BACH2: variants seen among roughly 807,000 people sequenced by gnomAD.
The protein encoded by BACH2 is BACH transcriptional regulator 2.
A neutral mutation model predicts 61.8 loss-of-function variants in BACH2; 5 were observed. The observed-to-expected ratio is 0.08, with a 90% CI of 0.04 to 0.17. The LOEUF (loss-of-function observed/expected upper bound fraction) is 0.17. BACH2 is among the 10% of genes least tolerant of loss of function. BACH2 has a pLI of 1.00. For missense variants in BACH2, 824 were observed against 1,091.1 expected, an observed-to-expected ratio of 0.76 and a Z score of 3.45; for synonymous variants, 446 against 440.1, an observed-to-expected ratio of 1.01 and a Z score of -0.17.
intron 5 of BACH2, among the ~76,000 whole-genome samples, chr6:90,058,308 A>G (rs1242725649): frequency 2.0e-5 from 3 of 152,208 alleles, no homozygotes; most frequent in African/African-American, 4.8e-5. Context: ...CAAAATCCAC[A>G]AGCATTCTTA....
At chr6:90,208,493 C>T (rs1256771981) in intron 3 of BACH2, among the ~76,000 whole-genome samples, 1 of 152,112 alleles carries the variant, frequency 6.6e-6, no homozygotes, top group Admixed American at 6.6e-5. Flanking sequence ...CAAATCAAAA[C>T]CACAATGAGA....
chr6:89,965,398 G>C (rs1471006211), intron 6 of BACH2, among the ~76,000 whole-genome samples: 5 of 152,232 alleles, frequency 3.3e-5, no homozygotes, highest in African/African-American at 1.2e-4. Flanking sequence ...ATTGGAGACT[G>C]TAACTTCTTG....
chr6:90,001,947 T>C (rs1777153841), intron 6 of BACH2, among the ~76,000 whole-genome samples: 1 of 152,210 alleles, frequency 6.6e-6, no homozygotes, highest in Admixed American at 6.5e-5. Context: ...TACTTCTCTG[T>C]TCCCTTTCAC....
At position 90,051,454 on chromosome 6, in the gene BACH2, T is replaced by C. The variant is rs537927719; in HGVS notation, c.-13+37507A>G. ...ATAGGAACAGAGCTCTATCCACCCA[T>C]TTACGTATTATCTATAGCTGCTTTT... On this transcript the variant is annotated intron_variant, in intron 5 of 8. Coordinates refer to ENST00000257749, the MANE Select transcript of BACH2 (RefSeq NM_021813.4). Among the ~76,000 whole-genome samples, 3 of 152,276 alleles carry C rather than the reference T, an allele frequency of 2.0e-5. No individual in the cohort carries two copies. The East Asian group carries it at 5.8e-4, about 29-fold the overall frequency.
intron 8 of BACH2, among the ~76,000 whole-genome samples, chr6:89,933,803 T>C (rs145849277): frequency 2.0e-3 from 299 of 150,804 alleles, no homozygotes; most frequent in African/African-American, 7.1e-3. Context: ...TTGGGGAACA[T>C]GGCAAAACCC....
chr6:90,271,013 T>C (rs1442639322), intron 2 of BACH2, among the ~76,000 whole-genome samples: 6 of 152,170 alleles, frequency 3.9e-5, no homozygotes, highest in Non-Finnish European at 4.4e-5. Flanking sequence ...CTGGAATAAT[T>C]GGCAAGCCAC....
chr6:90,173,382 G>A (rs1767882938), intron 4 of BACH2, among the ~76,000 whole-genome samples: 1 of 152,068 alleles, frequency 6.6e-6, no homozygotes, highest in Non-Finnish European at 1.5e-5. Flanking sequence ...ATCCACAATA[G>A]TTGAAAAAAC....
intron 5 of BACH2, among the ~76,000 whole-genome samples, chr6:90,043,856 A>G (rs1366286592): frequency 1.3e-5 from 2 of 152,194 alleles, no homozygotes; most frequent in Non-Finnish European, 2.9e-5. Context: ...CAGCCATCTC[A>G]GTCTCACAAA....
intron 4 of BACH2, among the ~76,000 whole-genome samples, chr6:90,100,702 GACACACACAC>G (rs372719418): frequency 1.6e-5 from 1 of 64,250 alleles, no homozygotes; most frequent in Non-Finnish European, 3.3e-5. Context: ...CACACACACA[GACACACACAC>G]ACACACACAC....
intron 5 of BACH2, among the ~76,000 whole-genome samples, chr6:90,068,388 A>G (rs1457728125): frequency 6.6e-6 from 1 of 152,214 alleles, no homozygotes; most frequent in African/African-American, 2.4e-5. Flanking sequence ...AAAAGTCCTT[A>G]CATAGTTAGC....
chr6:90,258,540 T>C (rs1582541021), intron 2 of BACH2, among the ~76,000 whole-genome samples: 1 of 152,190 alleles, frequency 6.6e-6, no homozygotes, highest in Non-Finnish European at 1.5e-5. Flanking sequence ...TTGTTTTGGC[T>C]ATTCAGGGTC....
intron 3 of BACH2, among the ~76,000 whole-genome samples, chr6:90,232,953 G>C (rs1770145865): frequency 6.6e-6 from 1 of 152,134 alleles, no homozygotes; most frequent in South Asian, 2.1e-4. Context: ...TAATACAGGT[G>C]TATTATTCAA....
intron 2 of BACH2, among the ~76,000 whole-genome samples, chr6:90,255,269 A>G (rs1770940293): frequency 6.6e-6 from 1 of 152,250 alleles, no homozygotes; most frequent in African/African-American, 2.4e-5. Context: ...AGCAATATTT[A>G]TTCATTTTCA....
intron 5 of BACH2, among the ~76,000 whole-genome samples, chr6:90,054,732 C>G (rs936548359): frequency 6.6e-6 from 1 of 152,180 alleles, no homozygotes; most frequent in Admixed American, 6.5e-5. Context: ...CCAGTAGAGG[C>G]GGGCTGACAC....
At chr6:90,128,346 G>GC (rs1462003166) in intron 4 of BACH2, among the ~76,000 whole-genome samples, 1 of 152,140 alleles carries the variant, frequency 6.6e-6, no homozygotes, top group African/African-American at 2.4e-5. Flanking sequence ...ACTTTGGGAG[G>GC]CCGAGGCGGG....
intron 2 of BACH2, among the ~76,000 whole-genome samples, chr6:90,262,008 C>A (rs1220263495): frequency 6.6e-6 from 1 of 152,156 alleles, no homozygotes; most frequent in Non-Finnish European, 1.5e-5. Flanking sequence ...CACAGTGCTG[C>A]AAGAGAATAT....
intron 1 of BACH2, among the ~76,000 whole-genome samples, chr6:90,283,760 C>G (rs1480835620): frequency 6.6e-6 from 1 of 152,048 alleles, no homozygotes; most frequent in South Asian, 2.1e-4. Flanking sequence ...ATAATCCCAG[C>G]ACTTAGGGAG....
chr6:89,997,748 T>C (rs114183651), intron 6 of BACH2, among the ~76,000 whole-genome samples: 335 of 152,316 alleles, frequency 2.2e-3, no homozygotes, highest in African/African-American at 7.5e-3. Flanking sequence ...AGGGTTTCTC[T>C]GGATAGATCT....
intron 3 of BACH2, among the ~76,000 whole-genome samples, chr6:90,250,120 T>C (rs1470187525): frequency 1.3e-5 from 2 of 152,196 alleles, no homozygotes; most frequent in Non-Finnish European, 2.9e-5. Flanking sequence ...TTTTGATTTC[T>C]GAATGAAAGA....
Sources: gnomAD v4.1 joint callset for allele counts (sites outside exome capture counted in the v4.1 genomes callset) on GRCh38, gnomAD v4.1.1 for gene constraint, MANE v1.5 for transcripts, NCBI Gene and HGNC (gene_info 2026-07-23, HGNC 2026-07-21) for gene names.